CARF: variants seen among roughly 807,000 people sequenced by gnomAD.
The protein encoded by CARF is calcium-responsive transcription factor.
Under a neutral mutation model 82.0 loss-of-function variants are expected in CARF, and 57 were observed. The ratio of observed to expected loss-of-function variants is 0.70; its 90% CI spans 0.56 to 0.87. CARF has a LOEUF of 0.87. Ranked by LOEUF, CARF falls within the 40% of genes least tolerant of loss-of-function variation. CARF has a pLI of 0.00. For missense variants in CARF, 771 were observed against 855.8 expected, an observed-to-expected ratio of 0.90 and a Z score of 1.24; for synonymous variants, 268 against 290.1, an observed-to-expected ratio of 0.92 and a Z score of 0.77.
At chr2:202,967,223 C>A (rs2059592769) in intron 10 of CARF, 125 bp downstream of exon 10, 1 of 1,079,906 alleles carries the variant, frequency 9.3e-7, no homozygotes, top group Non-Finnish European at 1.3e-6. Context: ...TTTCTCTTAC[C>A]CACATTTGTT....
chr2:202,921,469 A>T (rs1474800715), intron 2 of CARF, among the ~76,000 whole-genome samples: 1 of 152,228 alleles, frequency 6.6e-6, no homozygotes, highest in Non-Finnish European at 1.5e-5. Context: ...ATTAGCAAAC[A>T]TGAGTTCACT....
Position 202,983,664 on chromosome 2 carries a change from C to T in CARF, c.*40C>T, listed in dbSNP as rs1302086990. ...TCAGAATTTACAACTCTGGTGACTTCTGATGTCTTAGAAAGGAAGGTGAAT... is the reference window on the plus strand; with the variant it reads ...TCAGAATTTACAACTCTGGTGACTTTTGATGTCTTAGAAAGGAAGGTGAAT... On this transcript the variant is annotated 3_prime_UTR_variant, in exon 17 of 17. Coordinates refer to ENST00000438828, the MANE Select transcript of CARF (RefSeq NM_024744.17). 6 of 1,258,658 alleles carry T rather than the reference C, an allele frequency of 4.8e-6. No individual in the cohort carries two copies. In the South Asian group the frequency reaches 6.2e-5, roughly 13 times the overall value. 78.0% of individuals were successfully genotyped at this position (1,258,658 alleles called of 1,614,324 possible).
At position 202,987,700 on chromosome 2, in the gene CARF, T is replaced by C. The variant is rs2060488762; in HGVS notation, c.*4076T>C. 6.6e-6 allele frequency among the ~76,000 whole-genome samples: 1 copy of C among 152,214 alleles called. No individual in the cohort carries two copies. The highest frequency in any genetic ancestry group is 1.5e-5 in the Non-Finnish European group (1 of 68,028). On this transcript the variant is annotated 3_prime_UTR_variant, in exon 17 of 17. Transcript: ENST00000438828. ...AAAGTGATTCCTGAGAAAAATAATG[T>C]GTATGGTTAATATGGAAAACCTTTG...
chr2:202,958,350 G>A lies in CARF; in HGVS notation c.642+2592G>A, dbSNP rs73056721. Among the ~76,000 whole-genome samples, 897 of 150,868 alleles carry A rather than the reference G, an allele frequency of 5.9e-3. 11 individuals carry two copies. Among genetic ancestry groups the A allele is most frequent in the African/African-American group, 0.02 (810 of 41,132 alleles). ...TCAGTGGTTTCCTAAAGTTACTGTT[G>A]TGATTGTTTGATGAGGGTTTTAAAA... On this transcript the variant is annotated intron_variant, in intron 8 of 16. Transcript: ENST00000438828.
intron 8 of CARF, 80 bp from the exon 9 acceptor site, chr2:202,961,157 T>C: frequency 1.7e-6 from 2 of 1,169,848 alleles, no homozygotes; most frequent in Non-Finnish European, 1.2e-6. Flanking sequence ...GAGTCTTCCA[T>C]TTTGGACAAC....
At chr2:202,943,840 G>T (rs1056498244) in intron 5 of CARF, among the ~76,000 whole-genome samples, 3 of 151,640 alleles carry the variant, frequency 2.0e-5, no homozygotes, top group Non-Finnish European at 4.4e-5. Flanking sequence ...TAGAGACAGG[G>T]TTTCACCATG....
At chr2:202,923,694 C>T (rs1369993548) in intron 2 of CARF, among the ~76,000 whole-genome samples, 6 of 152,188 alleles carry the variant, frequency 3.9e-5, no homozygotes, top group Admixed American at 6.5e-5. Context: ...AGAACAAATC[C>T]GGAGGCATTA....
chr2:202,915,362 C>G (rs1689437791), intron 1 of CARF, among the ~76,000 whole-genome samples: 1 of 152,074 alleles, frequency 6.6e-6, no homozygotes. Flanking sequence ...GTGGCATGAT[C>G]TCATCTCACT....
chr2:202,972,570 G>A (rs903126330), intron 12 of CARF, among the ~76,000 whole-genome samples: 2 of 151,492 alleles, frequency 1.3e-5, no homozygotes, highest in African/African-American at 2.4e-5. Context: ...CCAGCTTCTC[G>A]GGAGGCTGAG....
intron 14 of CARF, among the ~76,000 whole-genome samples, 173 bp downstream of exon 14, chr2:202,977,505 C>T (rs909059444): frequency 3.3e-5 from 5 of 152,158 alleles, no homozygotes; most frequent in Non-Finnish European, 7.3e-5. Flanking sequence ...TTAATTTCCT[C>T]TTATACTTTG....
chr2:202,922,156 G>C (rs892356296), intron 2 of CARF, among the ~76,000 whole-genome samples: 1 of 151,914 alleles, frequency 6.6e-6, no homozygotes, highest in African/African-American at 2.4e-5. Flanking sequence ...AATCTTTTGA[G>C]ACAGGGTCTT....
chr2:202,983,149 C>T (rs1369041739), intron 16 of CARF, among the ~76,000 whole-genome samples: 1 of 152,058 alleles, frequency 6.6e-6, no homozygotes, highest in Admixed American at 6.5e-5. Context: ...CCACTCCTCA[C>T]GCAGTGAGCC....
intron 3 of CARF, among the ~76,000 whole-genome samples, chr2:202,935,007 G>C (rs2105774845): frequency 6.8e-6 from 1 of 147,876 alleles, no homozygotes; most frequent in South Asian, 2.1e-4. Context: ...AACTGGAGAG[G>C]TAGAGGTTGC....
At position 202,982,148 on chromosome 2, in the gene CARF, C is replaced by G. The variant is rs760645383; in HGVS notation, c.1766C>G (p.Ser589Cys). Reference protein sequence around the residue: ...AVVSVNNQPSSSPSGLLDTIG... With the variant: ...AVVSVNNQPSCSPSGLLDTIG... ...GTATCAGTAAATAACCAGCCGTCCTCTAGTCCTTCAGGACTTCTGGATACA... is the reference window on the plus strand; with the variant it reads ...GTATCAGTAAATAACCAGCCGTCCTGTAGTCCTTCAGGACTTCTGGATACA... The change falls in exon 16 of 17, where the codon TCT (serine) becomes TGT (cysteine). Residue 589 changes from serine (S) to cysteine (C), a missense_variant. By Grantham distance (112) the Ser-to-Cys change is moderately radical. Transcript: ENST00000438828. The G allele has an allele frequency of 3.7e-6, 6 of 1,614,128 alleles. No individual in the cohort carries two copies. Among genetic ancestry groups the G allele is most frequent in the Non-Finnish European group, 5.1e-6 (6 of 1,179,962 alleles).
rs577332939 is a variant in CARF at position 202,943,734 on chromosome 2, G to A, written c.306+767G>A. 6.0e-5 allele frequency among the ~76,000 whole-genome samples: 9 copies of A among 150,454 alleles called. No homozygotes were observed. The East Asian group carries it at 1.4e-3, about 23-fold the overall frequency. ...CCGATCTCGGCTCACTGCAACCTCCGCCTCCCGGGTTCAAGCAGTTCTCTT... is the reference window on the plus strand; with the variant it reads ...CCGATCTCGGCTCACTGCAACCTCCACCTCCCGGGTTCAAGCAGTTCTCTT... On this transcript the variant is annotated intron_variant, in intron 5 of 16. Transcript: ENST00000438828.
At chr2:202,913,378 T>C (rs1374156338) in intron 1 of CARF, among the ~76,000 whole-genome samples, 1 of 152,210 alleles carries the variant, frequency 6.6e-6, no homozygotes, top group Non-Finnish European at 1.5e-5. Flanking sequence ...ATTAACCTTT[T>C]TGTGCCACAC....
At chr2:202,961,628 A>G in intron 9 of CARF, 1 of 557,828 alleles carries the variant, frequency 1.8e-6, no homozygotes, top group Non-Finnish European at 3.1e-6. Context: ...ATATCAATGA[A>G]TAAATAAGAC....
At chr2:202,961,168 C>A in intron 8 of CARF, 69 bp from the exon 9 acceptor site, 2 of 1,290,334 alleles carry the variant, frequency 1.5e-6, no homozygotes, top group Admixed American at 2.2e-5. Context: ...TTTGGACAAC[C>A]ATCTCATTAC....
At chr2:202,978,966 A>G (rs769184641) in intron 14 of CARF, among the ~76,000 whole-genome samples, 1 of 152,056 alleles carries the variant, frequency 6.6e-6, no homozygotes, top group Non-Finnish European at 1.5e-5. Context: ...TGGAAGAATA[A>G]GAGGTTGTAG....
Sources: gnomAD v4.1 joint callset for allele counts (sites outside exome capture counted in the v4.1 genomes callset) on GRCh38, gnomAD v4.1.1 for gene constraint, MANE v1.5 for transcripts, NCBI Gene and HGNC (gene_info 2026-07-23, HGNC 2026-07-21) for gene names.